Variants in CELF2 observed in about 807,000 individuals in gnomAD.
The protein encoded by CELF2 is CUGBP Elav-like family member 2.
In CELF2, 8 loss-of-function variants were observed where a neutral mutation model predicts 62.6. The ratio of observed to expected loss-of-function variants is 0.13; its 90% confidence interval spans 0.07 to 0.23. The LOEUF (loss-of-function observed/expected upper bound fraction) is 0.23, where lower values mean the gene tolerates loss of function less well. CELF2 is among the 10% of genes least tolerant of loss of function. The pLI, the probability that CELF2 is intolerant of heterozygous loss-of-function variation, is 1.00. For missense variants in CELF2, 333 were observed against 671.0 expected, an observed-to-expected ratio of 0.50 and a Z score of 5.56; for synonymous variants, 258 against 250.0, an observed-to-expected ratio of 1.03 and a Z score of -0.30.
intron 8 of CELF2, among the ~76,000 whole-genome samples, chr10:11,286,171 T>C (rs1463329186): frequency 6.6e-6 from 1 of 152,170 alleles, no homozygotes; most frequent in Non-Finnish European, 1.5e-5. Context: ...ACCTCATGTC[T>C]CTGACCCAAG....
intron 1 of CELF2, among the ~76,000 whole-genome samples, chr10:11,115,419 TCTTGTAGGGAAAAGAAAGGGCTTG>T (rs1397953914): frequency 2.0e-5 from 3 of 152,164 alleles, no homozygotes; most frequent in Non-Finnish European, 4.4e-5. Context: ...TCTTGCCCTT[TCTTGTAGGGAAAAGAAAGGGCTTG>T]CTTGTAGTAG....
chr10:10,725,080 G>A, the CELF2 span, among the ~76,000 whole-genome samples: 1 of 152,064 alleles, frequency 6.6e-6, no homozygotes, highest in African/African-American at 2.4e-5. Context: ...AATTACTTTG[G>A]GGTTTACTTT....
the CELF2 span, among the ~76,000 whole-genome samples, chr10:10,483,633 G>T: frequency 2.6e-5 from 4 of 152,030 alleles, no homozygotes; most frequent in African/African-American, 9.7e-5. Flanking sequence ...CCTTAATTTA[G>T]CAGTGAAATA....
At chr10:10,600,182 G>A in the CELF2 span, among the ~76,000 whole-genome samples, 9 of 152,356 alleles carry the variant, frequency 5.9e-5, no homozygotes, top group South Asian at 1.7e-3. Context: ...TGCATCCCAG[G>A]AGGGGATGCT....
chr10:10,787,429 G>GA, the CELF2 span, among the ~76,000 whole-genome samples: 1 of 151,928 alleles, frequency 6.6e-6, no homozygotes, highest in Non-Finnish European at 1.5e-5. Context: ...AGAGAAATTA[G>GA]AAAAAAACAA....
the CELF2 span, among the ~76,000 whole-genome samples, chr10:10,634,105 G>C: frequency 1.3e-5 from 2 of 151,986 alleles, no homozygotes; most frequent in Non-Finnish European, 2.9e-5. Flanking sequence ...AGCTTGTCTT[G>C]ATACTTTAAT....
intron 2 of CELF2, among the ~76,000 whole-genome samples, chr10:10,969,650 A>G (rs1380271028): frequency 6.6e-6 from 1 of 152,016 alleles, no homozygotes; most frequent in Non-Finnish European, 1.5e-5. Flanking sequence ...GGCACTACAC[A>G]TAAAGGAAGG....
chr10:11,286,310 G>A (rs543638759), intron 8 of CELF2, among the ~76,000 whole-genome samples: 1 of 152,342 alleles, frequency 6.6e-6, no homozygotes, highest in East Asian at 1.9e-4. Context: ...TCATTAATCG[G>A]TGCCATATGC....
At chr10:11,062,526 G>A (rs185175544) in intron 1 of CELF2, among the ~76,000 whole-genome samples, 284 of 152,252 alleles carry the variant, frequency 1.9e-3, no homozygotes, top group African/African-American at 6.3e-3. Context: ...GATAACTGAG[G>A]GTTTCAAGAC....
intron 2 of CELF2, among the ~76,000 whole-genome samples, chr10:11,216,080 G>C (rs2063293835): frequency 6.6e-6 from 1 of 152,222 alleles, no homozygotes; most frequent in African/African-American, 2.4e-5. Flanking sequence ...CTTCATTCAA[G>C]TGATACATTT....
At chr10:10,854,983 C>A (rs2059618126) in intron 1 of CELF2, among the ~76,000 whole-genome samples, 1 of 152,084 alleles carries the variant, frequency 6.6e-6, no homozygotes, top group East Asian at 1.9e-4. Context: ...GAGGGTGTAA[C>A]TCTGCCCAAC....
At chr10:10,746,436 G>A in the CELF2 span, among the ~76,000 whole-genome samples, 4 of 152,276 alleles carry the variant, frequency 2.6e-5, no homozygotes, top group Middle Eastern at 3.4e-3. Context: ...AAGCTTAGAC[G>A]AAAAACAGAC....
the CELF2 span, among the ~76,000 whole-genome samples, chr10:10,632,347 C>T: frequency 7.9e-5 from 12 of 152,108 alleles, no homozygotes; most frequent in Non-Finnish European, 1.2e-4. Context: ...ATTCCTTTGA[C>T]GTTCACAACT....
intron 1 of CELF2, among the ~76,000 whole-genome samples, chr10:11,033,625 G>A (rs2060497101): frequency 6.6e-6 from 1 of 152,198 alleles, no homozygotes; most frequent in African/African-American, 2.4e-5. Context: ...TGATAGCATG[G>A]ATTCTTAGCC....
the CELF2 span, among the ~76,000 whole-genome samples, chr10:10,542,524 T>G: frequency 2.0e-5 from 3 of 152,214 alleles, no homozygotes; most frequent in Non-Finnish European, 4.4e-5. Flanking sequence ...GGGAAAGCTT[T>G]TCCACTCTAA....
At chr10:10,491,833 A>C in the CELF2 span, among the ~76,000 whole-genome samples, 18 of 152,172 alleles carry the variant, frequency 1.2e-4, no homozygotes, top group Admixed American at 5.9e-4. Flanking sequence ...CGTCTAAAGA[A>C]CATCTTTTTA....
chr10:11,179,483 T>G (rs2072494600), intron 2 of CELF2, among the ~76,000 whole-genome samples: 1 of 152,222 alleles, frequency 6.6e-6, no homozygotes, highest in Non-Finnish European at 1.5e-5. Flanking sequence ...GAAAAGTAGC[T>G]GCAGATTGAA....
chr10:10,811,044 G>T (rs534123987), intron 1 of CELF2, among the ~76,000 whole-genome samples: 1 of 152,090 alleles, frequency 6.6e-6, no homozygotes, highest in African/African-American at 2.4e-5. Flanking sequence ...ATGTCTCCTC[G>T]CTGTGCTCCT....
In CELF2 at chr10:11,008,135, C is replaced by T. The variant is rs1377203114; in HGVS notation, c.53+2695C>T. On this transcript the variant is annotated intron_variant, in intron 1 of 12. Transcript: ENST00000416382. The surrounding 1 kb of genome is among the most constrained non-coding windows in gnomAD (Gnocchi z 4.5). ...AGGAACAGGATACGTAATCTGTATC[C>T]TTCCATAAGCCTCTATATGTAATGA... Among the ~76,000 whole-genome samples the T allele has an allele frequency of 6.6e-6, 1 of 152,160 alleles. No homozygotes were observed. The highest frequency in any genetic ancestry group is 1.5e-5 in the Non-Finnish European group (1 of 68,032).
Sources: allele counts gnomAD v4.1 joint callset (sites outside exome capture counted in the v4.1 genomes callset), GRCh38; gene constraint gnomAD v4.1.1; non-coding constraint Gnocchi (gnomAD v3.1); transcripts MANE v1.5; gene names NCBI Gene and HGNC (gene_info 2026-07-23, HGNC 2026-07-21).